The following ABCG5 variants were observed in gnomAD, a reference collection of about 807,000 sequenced individuals.
The protein encoded by ABCG5 is ATP-binding cassette sub-family G member 5.
Under a neutral mutation model 64.5 loss-of-function variants are expected in ABCG5, and 64 were observed. That is an observed-to-expected ratio of 0.99 (90% CI 0.81 to 1.22). The LOEUF (loss-of-function observed/expected upper bound fraction) is 1.22. ABCG5 is among the 50% of genes most tolerant of loss of function. The pLI is 0.00. For synonymous variants in ABCG5, 385 were observed against 326.3 expected, an observed-to-expected ratio of 1.18 and a Z score of -1.94; for missense variants, 908 against 829.5, an observed-to-expected ratio of 1.09 and a Z score of -1.16.
intron 2 of ABCG5, among the ~76,000 whole-genome samples, chr2:43,837,236 C>T (rs1300826776): frequency 6.6e-6 from 1 of 151,448 alleles, no homozygotes; most frequent in Non-Finnish European, 1.5e-5. Context: ...CCTCCCACCT[C>T]AGCCTCCCAA....
intron 12 of ABCG5, among the ~76,000 whole-genome samples, chr2:43,813,524 T>A (rs1666598105): frequency 6.6e-6 from 1 of 152,094 alleles, no homozygotes; most frequent in Non-Finnish European, 1.5e-5. Flanking sequence ...TGGGTATAGA[T>A]TCATTACCAT....
In ABCG5 at chr2:43,813,280, G is replaced by T. The variant is rs1666578353; in HGVS notation, c.1792C>A (p.Pro598Thr). The T allele has an allele frequency of 2.5e-6, 4 of 1,613,638 alleles. No individual in the cohort carries two copies. The highest frequency in any genetic ancestry group is 3.4e-6 in the Non-Finnish European group (4 of 1,179,822). Residue 598 changes from proline to threonine, a missense_variant, in exon 13 of 13, where the codon CCA becomes ACA. Coordinates refer to ENST00000405322, the MANE Select transcript of ABCG5 (RefSeq NM_022436.3). ...GSSNVSVTTN[P>T]MCAFTQGIQF... is the part of the protein sequence containing the mutation. ...ATTCCTTGAGTGAAGGCACACATTG[G>T]ATTAGTTGTCACAGAAACATTTGAG...
Position 43,837,937 on chromosome 2 carries a change from C to T in ABCG5, c.162G>A (p.Trp54Ter), listed in dbSNP as rs1371222213. The T allele has an allele frequency of 6.2e-7, 1 of 1,614,086 alleles. No homozygotes were observed. The highest frequency in any genetic ancestry group is 1.7e-5 in the Admixed American group (1 of 60,022). ...SYSVSHRVRP[W>*]WDITSCRQQW... ...GCTGCCGGCAAGATGTGATGTCCCA[C>T]CAGGGCCTCACGCGGTGGCTTTAAA... is the stretch of plus-strand genomic sequence containing the variant. The change falls in exon 2 of 13, where the codon TGG becomes TGA. Residue 54 changes from tryptophan to a stop codon, truncating the protein, a stop_gained. Transcript: ENST00000405322. LOFTEE classifies it high-confidence loss of function.
chr2:43,813,996 G>A (rs1001057408), intron 12 of ABCG5, among the ~76,000 whole-genome samples: 8 of 152,046 alleles, frequency 5.3e-5, no homozygotes, highest in African/African-American at 9.7e-5. Context: ...GATTACAGGC[G>A]TGAGCCACTG....
chr2:43,832,179 C>T, intron 2 of ABCG5, 96 bp from the exon 3 acceptor site: 1 of 1,515,556 alleles, frequency 6.6e-7, no homozygotes, highest in Non-Finnish European at 9.0e-7. Flanking sequence ...CCCCGCGGGC[C>T]ATGAGTGCTA....
chr2:43,809,713 A>G, downstream of ABCG5: 1 of 1,610,928 alleles, frequency 6.2e-7, no homozygotes, highest in Non-Finnish European at 8.5e-7. Flanking sequence ...AGGAACTGGA[A>G]CAGTACAAAA....
chr2:43,822,358 CT>C (rs1667268480), intron 10 of ABCG5: 1 of 214,542 alleles, frequency 4.7e-6, no homozygotes, highest in Non-Finnish European at 8.0e-6. Flanking sequence ...CCCAATCCTG[CT>C]TCTCTTTCTA....
the ABCG5 span, among the ~76,000 whole-genome samples, chr2:43,806,446 C>T: frequency 7.2e-5 from 11 of 152,180 alleles, no homozygotes; most frequent in Admixed American, 2.6e-4. Context: ...TTTATGTAAA[C>T]GGTCCAGAAG....
At chr2:43,810,520 T>G (rs1666444828), downstream of ABCG5, 1 of 984,956 alleles carries the variant, frequency 1.0e-6, no homozygotes, top group Non-Finnish European at 1.2e-6. Context: ...CCAAGTTCAT[T>G]TTGAGTAAGT....
chr2:43,832,421 T>A (rs576197046), intron 2 of ABCG5: 1 of 420,140 alleles, frequency 2.4e-6, no homozygotes, highest in East Asian at 4.9e-5. Context: ...CTTATAGGTA[T>A]CAGAATAAGA....
In ABCG5 at chr2:43,824,230, AC is replaced by A. The variant is rs1558743377; in HGVS notation, c.1106del (p.Gly369ValfsTer4). On this transcript the variant is annotated frameshift_variant, in exon 8 of 13. Coordinates refer to ENST00000405322, the MANE Select transcript of ABCG5 (RefSeq NM_022436.3). LOFTEE classifies it high-confidence loss of function. ...TGTGAGCCTCTTACCTCAGGAGAAC[AC>A]CCAGTTTAGAGAAAACTCCAGGAGA... ...KDSPGVFSKL[G>X]VLLRRVTRNL... 2 of 1,614,210 alleles carry A rather than the reference AC, an allele frequency of 1.2e-6. No individual in the cohort carries two copies. The highest frequency in any genetic ancestry group is 1.7e-6 in the Non-Finnish European group (2 of 1,180,034).
At chr2:43,813,709 G>GTTTTTTTT (rs1214033245) in intron 12 of ABCG5, among the ~76,000 whole-genome samples, 31 of 34,070 alleles carry the variant, frequency 9.1e-4, no homozygotes, top group South Asian at 2.6e-3. Context: ...TTTTTTTTTC[G>GTTTTTTTT]TTTTTTTTTT....
At chr2:43,818,660 A>G (rs1351865813) in intron 11 of ABCG5, among the ~76,000 whole-genome samples, 1 of 152,186 alleles carries the variant, frequency 6.6e-6, no homozygotes, top group Non-Finnish European at 1.5e-5. Flanking sequence ...TGCATTTTTC[A>G]TAAATATTAA....
intron 6 of ABCG5, among the ~76,000 whole-genome samples, chr2:43,826,166 CTT>C (rs113184872): frequency 2.2e-4 from 31 of 141,812 alleles, no homozygotes; most frequent in Non-Finnish European, 2.0e-4. Flanking sequence ...TTCTTTCTTT[CTT>C]TTTTTTTTTT....
At chr2:43,812,035 T>C (rs530187648), downstream of ABCG5, among the ~76,000 whole-genome samples, 40 of 152,106 alleles carry the variant, frequency 2.6e-4, 1 homozygote, top group Admixed American at 2.6e-3. Flanking sequence ...GTAAACAATA[T>C]GTCAGCACTT....
intron 11 of ABCG5, among the ~76,000 whole-genome samples, chr2:43,816,320 G>C (rs1666820551): frequency 6.6e-6 from 1 of 152,180 alleles, no homozygotes; most frequent in Admixed American, 6.5e-5. Context: ...TACAGCAAAG[G>C]AAGACCGTGA....
rs753629544 is a variant in ABCG5, at chr2:43,831,817, G to T, written c.453C>A (p.Thr151=). Residue 151 remains threonine, a synonymous_variant, in exon 4 of 13, where the codon ACC becomes ACA. Transcript: ENST00000405322. Reference sequence around the variant, plus strand: ...TGCCGCGGCGGATGGCCAGCAGCGCGGTGTAGTGCAGCGTCTCGCGCACGG... The same window carrying T: ...TGCCGCGGCGGATGGCCAGCAGCGCTGTGTAGTGCAGCGTCTCGCGCACGG... ...SLTVRETLHY[T]ALLAIRRGNP... is the part of the protein sequence containing the mutation. The T allele has an allele frequency of 2.3e-5, 37 of 1,590,336 alleles. No homozygotes were observed. The highest frequency in any genetic ancestry group is 2.0e-4 in the Admixed American group (11 of 55,886).
At chr2:43,820,472 T>C (rs1266759454) in intron 10 of ABCG5, among the ~76,000 whole-genome samples, 1 of 151,726 alleles carries the variant, frequency 6.6e-6, no homozygotes, top group Non-Finnish European at 1.5e-5. Context: ...ACCTACCTAA[T>C]GTTAAAGGGC....
At chr2:43,835,990 G>A (rs185944455) in intron 2 of ABCG5, among the ~76,000 whole-genome samples, 1 of 151,970 alleles carries the variant, frequency 6.6e-6, no homozygotes, top group Non-Finnish European at 1.5e-5. Context: ...AGGCTAGAGT[G>A]CAGTGGCACA....
Sources: allele counts gnomAD v4.1 joint callset (sites outside exome capture counted in the v4.1 genomes callset), GRCh38; gene constraint gnomAD v4.1.1; transcripts MANE v1.5; gene names NCBI Gene and HGNC (gene_info 2026-07-23, HGNC 2026-07-21).